Variants in CHRNA7 observed in about 807,000 individuals in gnomAD.
CHRNA7 encodes the protein cholinergic receptor nicotinic alpha 7 subunit, also known as neuronal acetylcholine receptor subunit alpha-7.
CHRNA7 carries 17 observed loss-of-function variants against 48.0 expected under a neutral mutation model. The ratio of observed to expected loss-of-function variants is 0.35; its 90% CI spans 0.24 to 0.53. The LOEUF (loss-of-function observed/expected upper bound fraction) is 0.53, where lower values mean the gene tolerates loss of function less well. CHRNA7 is among the 20% of genes least tolerant of loss of function. CHRNA7 has a pLI of 0.92. For synonymous variants in CHRNA7, 75 were observed against 242.3 expected (o/e 0.31, Z 6.41); for missense variants, 155 against 577.7 (o/e 0.27, Z 7.50).
At chr15:32,107,016 A>G (rs909755947) in intron 3 of CHRNA7, among the ~76,000 whole-genome samples, 7 of 152,176 alleles carry the variant, frequency 4.6e-5, no homozygotes, top group Non-Finnish European at 1.0e-4. Context: ...TGTGTCAATC[A>G]TTATGTCTCA....
chr15:32,112,315 T>C (rs1353658177), intron 4 of CHRNA7: 1 of 458,782 alleles, frequency 2.2e-6, no homozygotes, highest in African/African-American at 2.0e-5. Flanking sequence ...CATCCTCGTC[T>C]ATGTTCCCTG....
At chr15:32,060,053 T>C (rs1028374950) in intron 2 of CHRNA7, among the ~76,000 whole-genome samples, 7 of 151,212 alleles carry the variant, frequency 4.6e-5, no homozygotes, top group Admixed American at 6.6e-5. Flanking sequence ...TGTAATCCAG[T>C]TATGCAAAAC....
intron 4 of CHRNA7, among the ~76,000 whole-genome samples, chr15:32,126,078 C>T (rs1418223862): frequency 6.6e-6 from 1 of 151,940 alleles, no homozygotes; most frequent in Non-Finnish European, 1.5e-5. Context: ...CTAGTTTGTG[C>T]TTCTCATTTT....
At chr15:32,159,303 G>A (rs1164676949) in intron 7 of CHRNA7, 1 of 405,900 alleles carries the variant, frequency 2.5e-6, no homozygotes. Context: ...ATTGTGCCAA[G>A]TTAAATTTTT....
chr15:32,126,481 G>A (rs1237580541), intron 4 of CHRNA7, among the ~76,000 whole-genome samples: 4 of 152,176 alleles, frequency 2.6e-5, no homozygotes, highest in Admixed American at 1.3e-4. Flanking sequence ...AGAAGCCTTC[G>A]TATTTCAAAA....
Position 32,101,367 on chromosome 15 carries a change from A to G in CHRNA7, c.240+20A>G, listed in dbSNP as rs200823638. 2.3e-5 allele frequency: 37 copies of G among 1,579,802 alleles called. No homozygotes were observed. The highest frequency in any genetic ancestry group is 1.7e-4 in the Middle Eastern group (1 of 5,966). ...CAAATGGTAAGTTAAGAGAATGACA[A>G]TCTCTCCCATGGGCTGCAAGATCTT... On this transcript the variant is annotated intron_variant, in intron 3 of 9. Coordinates refer to ENST00000306901, the MANE Select transcript of CHRNA7 (RefSeq NM_000746.6).
chr15:32,053,925 G>A (rs2049738766), intron 2 of CHRNA7, among the ~76,000 whole-genome samples: 1 of 152,152 alleles, frequency 6.6e-6, no homozygotes, highest in Non-Finnish European at 1.5e-5. Context: ...GGAAATTGCA[G>A]TTGTCATGGT....
At chr15:32,054,120 G>A (rs2049742320) in intron 2 of CHRNA7, among the ~76,000 whole-genome samples, 1 of 152,166 alleles carries the variant, frequency 6.6e-6, no homozygotes, top group African/African-American at 2.4e-5. Context: ...CACGTGTTAG[G>A]CTAACTCTTT....
chr15:32,084,989 C>T (rs960028367), intron 2 of CHRNA7, among the ~76,000 whole-genome samples: 5 of 152,100 alleles, frequency 3.3e-5, no homozygotes, highest in South Asian at 2.1e-4. Flanking sequence ...CCCACCACCA[C>T]GCTCAGTGAA....
In CHRNA7 at chr15:32,148,216, A is replaced by G. The variant is rs2051532936; in HGVS notation, c.351-5691A>G. On this transcript the variant is annotated intron_variant, in intron 4 of 9. Coordinates refer to ENST00000306901, the MANE Select transcript of CHRNA7 (RefSeq NM_000746.6). ...GATTTCTTCTTCTTATTGTTATTTT[A>G]TTATTATTCATCTTTACCTGAATGC... 2.0e-5 allele frequency among the ~76,000 whole-genome samples: 3 copies of G among 152,076 alleles called. No homozygotes were observed. The South Asian group carries it at 6.2e-4, about 32-fold the overall frequency.
At chr15:32,057,394 A>C (rs1374312551) in intron 2 of CHRNA7, among the ~76,000 whole-genome samples, 2 of 152,138 alleles carry the variant, frequency 1.3e-5, no homozygotes, top group Non-Finnish European at 2.9e-5. Context: ...GAAAAGAAAA[A>C]AATTTCCCTA....
rs1040862943 is a variant in CHRNA7 at position 32,127,413 on chromosome 15, G to A, written c.350+15514G>A. Among the ~76,000 whole-genome samples the A allele has an allele frequency of 5.3e-5, 8 of 152,082 alleles. No homozygotes were observed. The East Asian group carries it at 9.6e-4, about 18-fold the overall frequency. ...TGCCATACTCTTTTCCAGAGTGGCC[G>A]TTCCCACCTAAGTGATCAAGTAATT... is the stretch of plus-strand genomic sequence containing the variant. On this transcript the variant is annotated intron_variant, in intron 4 of 9. Coordinates refer to ENST00000306901, the MANE Select transcript of CHRNA7 (RefSeq NM_000746.6).
intron 4 of CHRNA7, among the ~76,000 whole-genome samples, chr15:32,144,965 A>T (rs1337737799): frequency 6.6e-6 from 1 of 152,148 alleles, no homozygotes; most frequent in Non-Finnish European, 1.5e-5. Context: ...CATTGCTGGC[A>T]AGGAGCTGCG....
chr15:32,059,944 C>CAAAAAAAAAAAAAAAAAAAAAAAAAAA (rs34200550), intron 2 of CHRNA7, among the ~76,000 whole-genome samples: 1 of 33,052 alleles, frequency 3.0e-5, no homozygotes, highest in East Asian at 1.3e-3. Flanking sequence ...AGTAGAAAAG[C>CAAAAAAAAAAAAAAAAAAAAAAAAAAA]AAAAAAAAAA....
At chr15:32,105,717 AT>A (rs1353636633) in intron 3 of CHRNA7, among the ~76,000 whole-genome samples, 1 of 152,210 alleles carries the variant, frequency 6.6e-6, no homozygotes, top group African/African-American at 2.4e-5. Flanking sequence ...GTATTTTGTC[AT>A]TAATGTTTAC....
intron 2 of CHRNA7, among the ~76,000 whole-genome samples, chr15:32,068,361 A>C (rs80085897): frequency 0.037 from 5,558 of 152,202 alleles, 352 homozygotes; most frequent in African/African-American, 0.13. Context: ...TTGCACATGG[A>C]AGTAGGTGGA....
chr15:32,144,429 T>G (rs1298861198), intron 4 of CHRNA7, among the ~76,000 whole-genome samples: 2 of 152,180 alleles, frequency 1.3e-5, no homozygotes, highest in Non-Finnish European at 2.9e-5. Flanking sequence ...CTTTGTGGTG[T>G]TCTCTGTATT....
chr15:32,030,965 G>A lies in CHRNA7; in HGVS notation c.123G>A (p.Glu41=). The part of the protein sequence containing the change: ...KELVKNYNPL[E]RPVANDSQPL... ...TGGTCAAGAACTACAATCCCTTGGA[G>A]AGGCCCGTGGCCAATGACTCGCAAC... Residue 41 remains glutamate, a synonymous_variant, in exon 2 of 10, where the codon GAG becomes GAA. Coordinates refer to ENST00000306901, the MANE Select transcript of CHRNA7 (RefSeq NM_000746.6). The A allele has an allele frequency of 1.2e-6, 2 of 1,614,216 alleles. No individual in the cohort carries two copies. Among genetic ancestry groups the A allele is most frequent in the African/African-American group, 1.3e-5 (1 of 75,066 alleles).
At chr15:32,137,916 CACAGAA>C (rs1566866557) in intron 4 of CHRNA7, among the ~76,000 whole-genome samples, 1 of 152,226 alleles carries the variant, frequency 6.6e-6, no homozygotes, top group East Asian at 1.9e-4. Context: ...CCTGTGTTCA[CACAGAA>C]ACCTACACAC....
Sources: gnomAD v4.1 joint callset for allele counts (sites outside exome capture counted in the v4.1 genomes callset) on GRCh38, gnomAD v4.1.1 for gene constraint, MANE v1.5 for transcripts, NCBI Gene and HGNC (gene_info 2026-07-23, HGNC 2026-07-21) for gene names.